Variants in SIPA1L3 observed in about 807,000 individuals in gnomAD.
SIPA1L3 encodes signal-induced proliferation-associated 1-like protein 3.
Under a neutral mutation model 150.1 loss-of-function variants are expected in SIPA1L3, and 59 were observed. The ratio of observed to expected loss-of-function variants is 0.39; its 90% CI spans 0.32 to 0.49. SIPA1L3 has a LOEUF of 0.49. SIPA1L3 is among the 20% of genes least tolerant of loss of function. SIPA1L3 has a pLI of 0.86. For missense variants in SIPA1L3, 2,211 were observed against 2,489.5 expected (o/e 0.89, Z 2.38); for synonymous variants, 1,070 against 1,077.6 (o/e 0.99, Z 0.14).
intron 1 of SIPA1L3, among the ~76,000 whole-genome samples, chr19:37,967,642 C>T (rs1273260891): frequency 6.6e-6 from 1 of 152,168 alleles, no homozygotes; most frequent in Non-Finnish European, 1.5e-5. Context: ...ACAATCCTAT[C>T]TCCAAATGAG....
intron 2 of SIPA1L3, among the ~76,000 whole-genome samples, chr19:38,062,445 G>C (rs1015030766): frequency 6.6e-6 from 1 of 152,158 alleles, no homozygotes; most frequent in African/African-American, 2.4e-5. Context: ...GAGAACAGTA[G>C]GGCCTTCCTC....
chr19:38,044,056 G>A (rs1210190329), intron 2 of SIPA1L3, among the ~76,000 whole-genome samples: 1 of 152,222 alleles, frequency 6.6e-6, no homozygotes, highest in Non-Finnish European at 1.5e-5. Context: ...GGAGCTGACA[G>A]TGAGTACTGA....
chr19:38,141,565 C>T, intron 11 of SIPA1L3, 130 bp downstream of exon 11: 1 of 990,898 alleles, frequency 1.0e-6, no homozygotes, highest in South Asian at 1.6e-5. Context: ...CCTTCTTATC[C>T]TTATGTCTCC....
intron 10 of SIPA1L3, among the ~76,000 whole-genome samples, chr19:38,137,183 T>G (rs745990942): frequency 7.3e-5 from 11 of 151,694 alleles, no homozygotes; most frequent in Non-Finnish European, 1.6e-4. Flanking sequence ...TGCCTTCATT[T>G]TTGTTGTTGT....
intron 15 of SIPA1L3, among the ~76,000 whole-genome samples, chr19:38,169,463 C>T (rs1016440969): frequency 1.3e-5 from 2 of 150,574 alleles, no homozygotes; most frequent in African/African-American, 2.4e-5. Context: ...CCTCCCTCAG[C>T]GACTTCTTGG....
intron 5 of SIPA1L3, 107 bp from the exon 6 acceptor site, chr19:38,100,945 T>C (rs1970488346): frequency 8.5e-6 from 11 of 1,289,188 alleles, no homozygotes. Context: ...GGTTCCCGAG[T>C]GGTCCCAGCA....
chr19:38,201,285 C>T (rs1163435825), intron 19 of SIPA1L3, among the ~76,000 whole-genome samples: 1 of 152,232 alleles, frequency 6.6e-6, no homozygotes, highest in Non-Finnish European at 1.5e-5. Context: ...CTCAGGTGCC[C>T]CCAGTGCCAG....
chr19:37,962,996 TA>T (rs1163611541), intron 1 of SIPA1L3, among the ~76,000 whole-genome samples: 1 of 152,200 alleles, frequency 6.6e-6, no homozygotes, highest in African/African-American at 2.4e-5. Context: ...GTTTTAATTT[TA>T]AGCATAACTT....
At chr19:37,932,804 C>T (rs79516905) in intron 1 of SIPA1L3, 2 of 152,392 alleles carry the variant, frequency 1.3e-5, no homozygotes, top group East Asian at 3.9e-4. Context: ...TTTCCCCCCT[C>T]TTCTCCCTGA....
intron 15 of SIPA1L3, among the ~76,000 whole-genome samples, chr19:38,165,504 T>C (rs1412932201): frequency 6.6e-6 from 1 of 152,134 alleles, no homozygotes; most frequent in African/African-American, 2.4e-5. Context: ...GAGGGGAAAG[T>C]TGGAAGCCTC....
At chr19:38,162,417 C>T (rs1972114058) in intron 14 of SIPA1L3, 46 bp downstream of exon 14, 2 of 1,416,338 alleles carry the variant, frequency 1.4e-6, no homozygotes. Context: ...CCAGGCCTGC[C>T]TGGGTGTGGC....
At chr19:38,056,294 C>A (rs569196839) in intron 2 of SIPA1L3, among the ~76,000 whole-genome samples, 9 of 152,374 alleles carry the variant, frequency 5.9e-5, no homozygotes, top group African/African-American at 2.2e-4. Context: ...CGGCAGGTCA[C>A]GATCTCCATG....
intron 1 of SIPA1L3, among the ~76,000 whole-genome samples, chr19:37,939,399 C>CA (rs753230257): frequency 0.4 from 27,648 of 68,622 alleles, 4,753 homozygotes; most frequent in Non-Finnish European, 0.48. Flanking sequence ...GACTCCATGT[C>CA]AAAAAAAAAA....
At chr19:38,088,566 T>C (rs1235140506) in intron 3 of SIPA1L3, among the ~76,000 whole-genome samples, 155 bp from the exon 4 acceptor site, 1 of 152,184 alleles carries the variant, frequency 6.6e-6, no homozygotes, top group Non-Finnish European at 1.5e-5. Context: ...GTGTCTCCAC[T>C]GGGGGTGTCT....
intron 1 of SIPA1L3, among the ~76,000 whole-genome samples, chr19:38,008,217 CT>C (rs35422339): frequency 0.022 from 1,096 of 50,066 alleles, 6 homozygotes; most frequent in African/African-American, 0.073. Context: ...CCATAGGCTG[CT>C]TTTTTTTTTT....
At chr19:38,123,531 A>AT (rs11388543) in intron 9 of SIPA1L3, among the ~76,000 whole-genome samples, 123,357 of 135,274 alleles carry the variant, frequency 0.91, 56,444 homozygotes, top group African/African-American at 0.98. Flanking sequence ...CCCTTAATCC[A>AT]TTAACCCTGA....
intron 1 of SIPA1L3, among the ~76,000 whole-genome samples, chr19:38,013,867 G>A (rs967146753): frequency 4.6e-5 from 7 of 152,226 alleles, no homozygotes; most frequent in African/African-American, 1.4e-4. Context: ...GAGTGGGTAG[G>A]AGCACTGCTT....
rs554287351 is a variant in SIPA1L3 at position 38,078,440 on chromosome 19, A to G, written c.-310-2816A>G. Among the ~76,000 whole-genome samples, 224 of 108,700 alleles carry G rather than the reference A, an allele frequency of 2.1e-3. 1 individual carries two copies. In the Middle Eastern group the frequency reaches 0.036, roughly 18 times the overall value. The allele number at this position is 108,700 out of a possible 152,430, so 71.3% of individuals were successfully genotyped here. A position where few individuals can be genotyped will look rare whatever the true frequency, so the allele number is the denominator to read the frequency against. Reference sequence around the variant, plus strand: ...CCCCCCTACACATGCGCATACATGCACACACACACACACACACACACACAC... The same window carrying G: ...CCCCCCTACACATGCGCATACATGCGCACACACACACACACACACACACAC... On this transcript the variant is annotated intron_variant, in intron 2 of 21. Transcript: ENST00000222345.
intron 2 of SIPA1L3, among the ~76,000 whole-genome samples, chr19:38,058,126 G>A (rs2145774494): frequency 6.6e-6 from 1 of 152,280 alleles, no homozygotes; most frequent in Non-Finnish European, 1.5e-5. Flanking sequence ...CTGAGGGCCT[G>A]GTGTCCCCTT....
Sources: allele counts gnomAD v4.1 joint callset (sites outside exome capture counted in the v4.1 genomes callset), GRCh38; gene constraint gnomAD v4.1.1; transcripts MANE v1.5; gene names NCBI Gene and HGNC (gene_info 2026-07-23, HGNC 2026-07-21).